PRKCE: variants seen among roughly 807,000 people sequenced by gnomAD.
PRKCE encodes protein kinase C epsilon type.
Under a neutral mutation model 85.4 loss-of-function variants are expected in PRKCE, and 16 were observed. The observed-to-expected ratio is 0.19, with a 90% CI of 0.13 to 0.28. The LOEUF is 0.28. Ranked by LOEUF, PRKCE falls within the 10% of genes least tolerant of loss-of-function variation. PRKCE has a pLI of 1.00. For synonymous variants in PRKCE, 388 were observed against 371.5 expected (o/e 1.04, Z -0.51); for missense variants, 573 against 975.2 (o/e 0.59, Z 5.49).
At chr2:45,731,802 G>A (rs1177356235) in intron 1 of PRKCE, among the ~76,000 whole-genome samples, 1 of 151,756 alleles carries the variant, frequency 6.6e-6, no homozygotes, top group East Asian at 1.9e-4. Context: ...ATTTTTTGTA[G>A]AGACAAGGTC....
chr2:45,886,192 A>T (rs1251945413), intron 2 of PRKCE, among the ~76,000 whole-genome samples: 1 of 152,178 alleles, frequency 6.6e-6, no homozygotes, highest in East Asian at 1.9e-4. Context: ...ATGCATGGTG[A>T]AGTGCTTGCA....
chr2:46,090,439 A>T (rs985029838), intron 11 of PRKCE, among the ~76,000 whole-genome samples: 1 of 151,946 alleles, frequency 6.6e-6, no homozygotes, highest in Non-Finnish European at 1.5e-5. Flanking sequence ...TTTACTTATG[A>T]TACCTCTTCT....
chr2:45,679,462 T>C (rs1197730777), intron 1 of PRKCE, among the ~76,000 whole-genome samples: 2 of 152,160 alleles, frequency 1.3e-5, no homozygotes, highest in African/African-American at 2.4e-5. Context: ...GTTTGCAATC[T>C]AACAGGGAAA....
upstream of PRKCE, chr2:45,651,437 A>C (rs1272097179): frequency 1.3e-5 from 2 of 151,638 alleles, no homozygotes; most frequent in Non-Finnish European, 2.9e-5. Flanking sequence ...TGCTTCGCCC[A>C]GGAGGCGGCG....
chr2:45,993,567 G>A (rs1381618883), intron 6 of PRKCE, among the ~76,000 whole-genome samples: 1 of 152,212 alleles, frequency 6.6e-6, no homozygotes, highest in Non-Finnish European at 1.5e-5. Context: ...TGTCAGGACA[G>A]ACAGGTCTGG....
chr2:46,050,450 A>C (rs1005805855), intron 10 of PRKCE, among the ~76,000 whole-genome samples: 1 of 152,254 alleles, frequency 6.6e-6, no homozygotes, highest in African/African-American at 2.4e-5. Flanking sequence ...GGTTTAAGCC[A>C]TGTGGGTTGC....
chr2:45,955,453 C>T (rs1179750903), intron 2 of PRKCE, among the ~76,000 whole-genome samples: 4 of 152,062 alleles, frequency 2.6e-5, no homozygotes, highest in Non-Finnish European at 4.4e-5. Flanking sequence ...ATACCTGATG[C>T]CCCAGCTTTC....
intron 2 of PRKCE, among the ~76,000 whole-genome samples, chr2:45,913,487 C>T (rs528093944): frequency 6.6e-6 from 1 of 152,328 alleles, no homozygotes; most frequent in Admixed American, 6.5e-5. Context: ...ACTCCCTGCT[C>T]AGTGGAGCTC....
rs146387093 is a variant in PRKCE at position 45,675,805 on chromosome 2, C to G, written c.348+23357C>G. The G allele has an allele frequency of 2.4e-3, 371 of 152,412 alleles. 1 individual carries two copies. Among genetic ancestry groups the G allele is most frequent in the Middle Eastern group, 6.7e-3 (2 of 298 alleles). 9.4% of individuals were successfully genotyped at this position (152,412 alleles called of 1,614,324 possible). On this transcript the variant is annotated intron_variant, in intron 1 of 14. Transcript: ENST00000306156. ...CAGGGGTCTCCGGGGAGCTGGCCCT[C>G]AGCTCACAGATGGGCCTGACTTTGG...
At chr2:46,146,569 A>T (rs900443688) in intron 12 of PRKCE, among the ~76,000 whole-genome samples, 2 of 152,176 alleles carry the variant, frequency 1.3e-5, no homozygotes, top group Non-Finnish European at 2.9e-5. Flanking sequence ...AAGAATGAGG[A>T]TTTCCTTTGA....
At chr2:46,024,305 C>A (rs1158339864) in intron 10 of PRKCE, among the ~76,000 whole-genome samples, 1 of 144,086 alleles carries the variant, frequency 6.9e-6, no homozygotes, top group Non-Finnish European at 1.6e-5. Context: ...GTTATGAGGA[C>A]ATTTTTTTTT....
chr2:45,899,913 T>C (rs567841737), intron 2 of PRKCE, among the ~76,000 whole-genome samples: 1 of 152,310 alleles, frequency 6.6e-6, no homozygotes, highest in East Asian at 1.9e-4. Flanking sequence ...GGGCTCTAAA[T>C]ATCCAGAAAT....
intron 1 of PRKCE, among the ~76,000 whole-genome samples, chr2:45,762,957 T>TA (rs1553403709): frequency 4.3e-5 from 1 of 23,088 alleles, no homozygotes; most frequent in Non-Finnish European, 1.0e-4. Flanking sequence ...TCTTTTCTTC[T>TA]TTTTTTTTTT....
At chr2:46,018,280 C>T (rs149254634) in intron 10 of PRKCE, among the ~76,000 whole-genome samples, 10 of 152,262 alleles carry the variant, frequency 6.6e-5, no homozygotes, top group African/African-American at 2.2e-4. Context: ...ATGTGCCGTG[C>T]CATGGGGCAT....
chr2:46,051,124 G>A (rs982524561), intron 10 of PRKCE, among the ~76,000 whole-genome samples: 3 of 152,206 alleles, frequency 2.0e-5, no homozygotes, highest in Admixed American at 6.5e-5. Context: ...TAACTACTGA[G>A]ATGACTTCAG....
At chr2:46,127,523 G>A (rs1465198032) in intron 11 of PRKCE, among the ~76,000 whole-genome samples, 4 of 152,204 alleles carry the variant, frequency 2.6e-5, no homozygotes, top group Non-Finnish European at 5.9e-5. Flanking sequence ...TGGTCATATT[G>A]CACTTGATTA....
At chr2:45,824,986 G>T (rs1689828975) in intron 1 of PRKCE, among the ~76,000 whole-genome samples, 1 of 152,170 alleles carries the variant, frequency 6.6e-6, no homozygotes, top group Non-Finnish European at 1.5e-5. Flanking sequence ...ACCGGGAAAA[G>T]GTTCTGCTGA....
At chr2:46,014,751 A>G (rs1705982135) in intron 10 of PRKCE, among the ~76,000 whole-genome samples, 1 of 152,224 alleles carries the variant, frequency 6.6e-6, no homozygotes, top group African/African-American at 2.4e-5. Context: ...AGAGATAGAC[A>G]TGCAAGGAGG....
intron 2 of PRKCE, among the ~76,000 whole-genome samples, chr2:45,887,629 C>T (rs1695398551): frequency 6.6e-6 from 1 of 151,990 alleles, no homozygotes; most frequent in Non-Finnish European, 1.5e-5. Flanking sequence ...GTCCCACAAT[C>T]AGGAAGCCAT....
Sources: allele counts gnomAD v4.1 joint callset (sites outside exome capture counted in the v4.1 genomes callset), GRCh38; gene constraint gnomAD v4.1.1; transcripts MANE v1.5; gene names NCBI Gene and HGNC (gene_info 2026-07-23, HGNC 2026-07-21).